RANBP2: variants seen among roughly 807,000 people sequenced by gnomAD.
RANBP2 encodes RAN binding protein 2, also known as E3 SUMO-protein ligase RanBP2.
RANBP2 carries 57 observed loss-of-function variants against 303.6 expected under a neutral mutation model. The ratio of observed to expected loss-of-function variants is 0.19; its 90% CI spans 0.15 to 0.23. The LOEUF (loss-of-function observed/expected upper bound fraction) is 0.23, where lower values mean the gene tolerates loss of function less well. RANBP2 is among the 10% of genes least tolerant of loss of function. The pLI is 1.00. For missense variants in RANBP2, 3,138 were observed against 3,780.8 expected (o/e 0.83, Z 4.46); for synonymous variants, 1,167 against 1,301.5 (o/e 0.90, Z 2.23).
the RANBP2 span, among the ~76,000 whole-genome samples, chr2:109,632,570 T>C: frequency 6.6e-6 from 1 of 152,162 alleles, no homozygotes; most frequent in Non-Finnish European, 1.5e-5. Flanking sequence ...TCCCAGGACT[T>C]TGGGAGGCCA....
At chr2:109,514,374 GC>G in the RANBP2 span, among the ~76,000 whole-genome samples, 1 of 152,122 alleles carries the variant, frequency 6.6e-6, no homozygotes, top group Non-Finnish European at 1.5e-5. Context: ...GTGTGCGAGT[GC>G]CCACAGCTGC....
chr2:108,974,470 G>A, the RANBP2 span, among the ~76,000 whole-genome samples: 2 of 151,588 alleles, frequency 1.3e-5, no homozygotes, highest in African/African-American at 2.4e-5. Context: ...GGTGGCTCAC[G>A]TCTGTAATCC....
At chr2:109,324,360 G>A in the RANBP2 span, among the ~76,000 whole-genome samples, 2 of 152,148 alleles carry the variant, frequency 1.3e-5, no homozygotes, top group Non-Finnish European at 2.9e-5. Context: ...CTTCTGAGGG[G>A]CTGCCAGGCA....
the RANBP2 span, among the ~76,000 whole-genome samples, chr2:109,190,953 A>G: frequency 1.3e-5 from 2 of 151,376 alleles, no homozygotes; most frequent in African/African-American, 4.9e-5. Flanking sequence ...TGGGGGAGAT[A>G]ATTCTAATTC....
At chr2:109,033,571 C>T in the RANBP2 span, among the ~76,000 whole-genome samples, 1 of 152,260 alleles carries the variant, frequency 6.6e-6, no homozygotes, top group East Asian at 1.9e-4. Flanking sequence ...TGTAAGAAAA[C>T]AGGAACTACG....
At chr2:109,683,973 G>A in the RANBP2 span, among the ~76,000 whole-genome samples, 20,171 of 151,144 alleles carry the variant, frequency 0.13, 1,422 homozygotes, top group African/African-American at 0.18. Context: ...ACAGAGTCTC[G>A]CTCTCTCCCC....
the RANBP2 span, among the ~76,000 whole-genome samples, chr2:108,937,138 AG>A: frequency 2.0e-5 from 3 of 152,246 alleles, no homozygotes; most frequent in African/African-American, 7.2e-5. Context: ...CTGGCAACAG[AG>A]CACACTGGCG....
At chr2:109,385,054 G>T in the RANBP2 span, among the ~76,000 whole-genome samples, 7 of 152,270 alleles carry the variant, frequency 4.6e-5, no homozygotes, top group South Asian at 1.2e-3. Flanking sequence ...TCGTTGTCCC[G>T]GCATGCTGGC....
the RANBP2 span, among the ~76,000 whole-genome samples, chr2:109,262,829 CT>C: frequency 6.6e-6 from 1 of 151,936 alleles, no homozygotes; most frequent in African/African-American, 2.4e-5. Flanking sequence ...ACAAGACTTT[CT>C]TTTTTCTTTT....
the RANBP2 span, among the ~76,000 whole-genome samples, chr2:109,023,132 T>G: frequency 1.3e-5 from 2 of 152,246 alleles, no homozygotes; most frequent in African/African-American, 4.8e-5. Flanking sequence ...ACAGAATGCT[T>G]CTGCGCTCTT....
the RANBP2 span, chr2:108,894,491 A>AGAT: frequency 6.6e-6 from 1 of 152,560 alleles, no homozygotes; most frequent in Non-Finnish European, 1.5e-5. Flanking sequence ...GTGTTTATTG[A>AGAT]GATTATAAAA....
At chr2:108,782,096 C>G in intron 26 of RANBP2, 32 bp from the exon 27 acceptor site, 1 of 1,606,132 alleles carries the variant, frequency 6.2e-7, no homozygotes, top group Non-Finnish European at 8.5e-7. Flanking sequence ...TTATAAGCAG[C>G]AGCTTATAGA....
chr2:109,328,998 GTCT>G, the RANBP2 span, among the ~76,000 whole-genome samples: 1 of 152,142 alleles, frequency 6.6e-6, no homozygotes, highest in African/African-American at 2.4e-5. Context: ...CTGCTCTGTG[GTCT>G]TCTTGAGGAA....
At chr2:108,881,014 T>G in the RANBP2 span, among the ~76,000 whole-genome samples, 1 of 152,346 alleles carries the variant, frequency 6.6e-6, no homozygotes, top group East Asian at 1.9e-4. Context: ...CGAATGACTT[T>G]GAGGGGTTTA....
the RANBP2 span, among the ~76,000 whole-genome samples, chr2:109,013,901 A>G: frequency 6.6e-6 from 1 of 152,158 alleles, no homozygotes; most frequent in Admixed American, 6.5e-5. Context: ...TTAATGGCTT[A>G]TGCCTATCAC....
the RANBP2 span, among the ~76,000 whole-genome samples, chr2:109,414,835 G>A: frequency 3.3e-5 from 5 of 152,142 alleles, no homozygotes; most frequent in Non-Finnish European, 7.3e-5. Flanking sequence ...CTCCCTCAAC[G>A]TCCTTCAGAC....
chr2:108,968,808 G>A, the RANBP2 span, among the ~76,000 whole-genome samples: 1 of 152,250 alleles, frequency 6.6e-6, no homozygotes, highest in African/African-American at 2.4e-5. Context: ...GCCTGCCTGA[G>A]ATGATGTCAT....
the RANBP2 span, among the ~76,000 whole-genome samples, chr2:108,875,317 AAT>A: frequency 0.2 from 7,992 of 39,372 alleles, 1,138 homozygotes; most frequent in African/African-American, 0.38. Context: ...CTTAAAGTAT[AAT>A]AAAAAAAAAA....
the RANBP2 span, among the ~76,000 whole-genome samples, chr2:109,423,864 C>T: frequency 6.6e-6 from 1 of 152,204 alleles, no homozygotes; most frequent in Admixed American, 6.5e-5. Context: ...CTGCCGCCTG[C>T]ACCTCTAGAG....
Sources: allele counts gnomAD v4.1 joint callset (sites outside exome capture counted in the v4.1 genomes callset), GRCh38; gene constraint gnomAD v4.1.1; transcripts MANE v1.5; gene names NCBI Gene and HGNC (gene_info 2026-07-23, HGNC 2026-07-21).